SAMTOR: variants seen among roughly 807,000 people sequenced by gnomAD.
SAMTOR encodes UPF0532 protein C7orf60.
At chr7:112,853,683 A>G in the SAMTOR span, among the ~76,000 whole-genome samples, 1 of 152,142 alleles carries the variant, frequency 6.6e-6, no homozygotes, top group Non-Finnish European at 1.5e-5. Context: ...AGCCAGAGGC[A>G]TTCTCTAGAG....
chr7:112,878,662 C>T, the SAMTOR span, among the ~76,000 whole-genome samples: 3 of 152,244 alleles, frequency 2.0e-5, no homozygotes, highest in South Asian at 6.2e-4. Context: ...TAGGCATGAG[C>T]TGGAATTTTG....
At chr7:112,832,683 CAG>C in the SAMTOR span, 678 of 1,496,206 alleles carry the variant, frequency 4.5e-4, 2 homozygotes, top group African/African-American at 7.1e-3. Flanking sequence ...AACCTAAAAA[CAG>C]ATATTTTATA....
the SAMTOR span, chr7:112,939,347 T>C: frequency 1.4e-5 from 8 of 574,516 alleles, no homozygotes; most frequent in South Asian, 1.2e-4. Flanking sequence ...TTGGAGGGGG[T>C]GGGGACTCAA....
chr7:112,899,789 G>GTAAAAAAAA, the SAMTOR span, among the ~76,000 whole-genome samples: 165 of 113,366 alleles, frequency 1.5e-3, 2 homozygotes, highest in Non-Finnish European at 2.6e-3. Flanking sequence ...TGTGCTGAAG[G>GTAAAAAAAA]AAAAAAAAAA....
At chr7:112,824,113 A>G in the SAMTOR span, among the ~76,000 whole-genome samples, 1 of 152,050 alleles carries the variant, frequency 6.6e-6, no homozygotes, top group African/African-American at 2.4e-5. Flanking sequence ...ATATTTTCTC[A>G]GTATCATGTG....
the SAMTOR span, among the ~76,000 whole-genome samples, chr7:112,830,880 CTT>C: frequency 1.7e-3 from 245 of 142,314 alleles, no homozygotes; most frequent in Non-Finnish European, 2.8e-3. Flanking sequence ...GCTTTAAATA[CTT>C]TTTTTTTTTT....
chr7:112,821,875 T>C, the SAMTOR span: 3 of 1,613,616 alleles, frequency 1.9e-6, no homozygotes, highest in South Asian at 2.2e-5. Context: ...TCATCTTCTA[T>C]ATCTGATCGA....
the SAMTOR span, chr7:112,832,459 A>ATCTC: frequency 1.4e-6 from 1 of 715,104 alleles, no homozygotes. Flanking sequence ...CTCAATGGGT[A>ATCTC]CACAGGAAAT....
At chr7:112,922,737 A>G in the SAMTOR span, among the ~76,000 whole-genome samples, 1 of 150,344 alleles carries the variant, frequency 6.7e-6, no homozygotes, top group Admixed American at 6.6e-5. Flanking sequence ...CCTGTCTGAG[A>G]AGTGAGGAGC....
chr7:112,860,110 T>C, the SAMTOR span, among the ~76,000 whole-genome samples: 1 of 152,188 alleles, frequency 6.6e-6, no homozygotes, highest in African/African-American at 2.4e-5. Flanking sequence ...GATACACAAA[T>C]ACCATTGTTA....
the SAMTOR span, among the ~76,000 whole-genome samples, chr7:112,907,286 G>GA: frequency 7.2e-5 from 11 of 151,952 alleles, no homozygotes; most frequent in African/African-American, 2.2e-4. Context: ...AACTTTGGTA[G>GA]AAAAAAAATT....
the SAMTOR span, among the ~76,000 whole-genome samples, chr7:112,900,821 C>CTAGA: frequency 1.3e-5 from 2 of 152,078 alleles, no homozygotes; most frequent in African/African-American, 4.8e-5. Flanking sequence ...CATGCTAGAA[C>CTAGA]TAGACATCCA....
the SAMTOR span, among the ~76,000 whole-genome samples, chr7:112,926,897 G>A: frequency 1.3e-5 from 2 of 151,954 alleles, no homozygotes; most frequent in Non-Finnish European, 2.9e-5. Context: ...TTCAAACTCT[G>A]ACTACTGTGT....
At chr7:112,837,792 G>A in the SAMTOR span, among the ~76,000 whole-genome samples, 1 of 151,992 alleles carries the variant, frequency 6.6e-6, no homozygotes, top group African/African-American at 2.4e-5. Flanking sequence ...GGAAACTACA[G>A]GATTAGGTCT....
chr7:112,860,810 G>A, the SAMTOR span, among the ~76,000 whole-genome samples: 6 of 151,480 alleles, frequency 4.0e-5, no homozygotes, highest in African/African-American at 1.2e-4. Context: ...TACTCGGGAG[G>A]CTGGGACAGG....
At chr7:112,931,305 CAA>C in the SAMTOR span, among the ~76,000 whole-genome samples, 1,616 of 139,916 alleles carry the variant, frequency 0.012, 29 homozygotes, top group African/African-American at 0.039. Flanking sequence ...ATTTAATTAA[CAA>C]AAAAAAAAAC....
At chr7:112,846,057 G>A in the SAMTOR span, among the ~76,000 whole-genome samples, 13 of 151,476 alleles carry the variant, frequency 8.6e-5, no homozygotes, top group Admixed American at 4.6e-4. Flanking sequence ...CCTACTTTAA[G>A]GGCAGAGGTC....
chr7:112,824,346 GTTTT>G, the SAMTOR span, among the ~76,000 whole-genome samples: 3 of 151,320 alleles, frequency 2.0e-5, no homozygotes, highest in Admixed American at 6.6e-5. Context: ...TACATTTTGA[GTTTT>G]TTTTGTTTGT....
At chr7:112,908,440 A>G in the SAMTOR span, among the ~76,000 whole-genome samples, 658 of 152,154 alleles carry the variant, frequency 4.3e-3, 7 homozygotes, top group Middle Eastern at 0.014. Flanking sequence ...CACCTTGCCC[A>G]CTCACCTTGC....
Sources: gnomAD v4.1 joint callset for allele counts (sites outside exome capture counted in the v4.1 genomes callset) on GRCh38, gnomAD v4.1.1 for gene constraint, MANE v1.5 for transcripts, NCBI Gene and HGNC (gene_info 2026-07-23, HGNC 2026-07-21) for gene names.